Variants in ASPA observed in about 807,000 individuals in gnomAD.
ASPA encodes the protein aspartoacylase, also known as ACY-2.
In ASPA, 25 loss-of-function variants were observed where a neutral mutation model predicts 29.6. That is an observed-to-expected ratio of 0.85 (90% CI 0.62 to 1.18). ASPA has a LOEUF of 1.18. Among genes scored for constraint, ASPA ranks in the 50% most tolerant of loss-of-function variants. ASPA has a pLI of 0.00. For synonymous variants in ASPA, 131 were observed against 130.3 expected, an observed-to-expected ratio of 1.01 and a Z score of -0.04; for missense variants, 333 against 385.7, an observed-to-expected ratio of 0.86 and a Z score of 1.14.
chr17:3,483,405 G>A, intron 2 of ASPA, 94 bp from the exon 3 acceptor site: 3 of 1,054,478 alleles, frequency 2.8e-6, no homozygotes, highest in Non-Finnish European at 4.5e-6. Flanking sequence ...AGTTGATGAA[G>A]TAAAACGTAT....
chr17:3,498,105 C>A (rs569895936), intron 5 of ASPA, among the ~76,000 whole-genome samples: 1 of 152,138 alleles, frequency 6.6e-6, no homozygotes, highest in African/African-American at 2.4e-5. Context: ...CACCAATCCC[C>A]GTCAGAATAG....
In ASPA at chr17:3,501,105, C is replaced by T. The variant is rs1225914167; in HGVS notation, c.*2017C>T. The T allele has an allele frequency of 6.6e-6, 1 of 151,946 alleles. No homozygotes were observed. The highest frequency in any genetic ancestry group is 1.5e-5 in the Non-Finnish European group (1 of 68,022). 9.4% of individuals were successfully genotyped at this position (151,946 alleles called of 1,614,324 possible). On this transcript the variant is annotated 3_prime_UTR_variant, in exon 6 of 6. Transcript: ENST00000263080. ...CCCATGGATCAAGGCGTCATTGTGA[C>T]TTTCAAATCTAACTATTTAAGAAAT... is the stretch of plus-strand genomic sequence containing the variant.
intron 5 of ASPA, among the ~76,000 whole-genome samples, chr17:3,495,597 C>A (rs2073895627): frequency 6.6e-6 from 1 of 152,134 alleles, no homozygotes; most frequent in Non-Finnish European, 1.5e-5. Context: ...GAGATGGAGT[C>A]TCGCTCTGTC....
intron 5 of ASPA, among the ~76,000 whole-genome samples, chr17:3,496,184 C>T (rs2073905241): frequency 6.6e-6 from 1 of 152,036 alleles, no homozygotes; most frequent in Non-Finnish European, 1.5e-5. Context: ...GTTAATTCTG[C>T]CAACAAATAT....
At chr17:3,498,160 C>T (rs1173362476) in intron 5 of ASPA, among the ~76,000 whole-genome samples, 1 of 152,124 alleles carries the variant, frequency 6.6e-6, no homozygotes, top group African/African-American at 2.4e-5. Context: ...TTTATATTTC[C>T]CAACGGTAGA....
Position 3,497,774 on chromosome 17 carries a change from T to G in ASPA, c.745-1117T>G, listed in dbSNP as rs770181991. 5.3e-4 allele frequency among the ~76,000 whole-genome samples: 81 copies of G among 152,228 alleles called. 1 individual carries two copies. Among genetic ancestry groups the G allele is most frequent in the Non-Finnish European group, 1.0e-3 (70 of 68,046 alleles). On this transcript the variant is annotated intron_variant, in intron 5 of 5. Transcript: ENST00000263080. Reference sequence around the variant, plus strand: ...AGGTCTGCTGCGCATAATGAAATCCTGCTTTTCTAACAGGCTCCTGGGTGA... The same window carrying G: ...AGGTCTGCTGCGCATAATGAAATCCGGCTTTTCTAACAGGCTCCTGGGTGA...
In ASPA at chr17:3,485,076, T is replaced by C. The variant is rs1029647240; in HGVS notation, c.526+1484T>C. ...ACTCTGTTGCCCAGGCTGAGTGTAG[T>C]GGCACGATCACAGTTCACTGCAGCC... On this transcript the variant is annotated intron_variant, in intron 3 of 5. Transcript: ENST00000263080. This position sits in a 1 kb window ranked among gnomAD's most constrained non-coding sequence, Gnocchi z 4.4. 4.6e-5 allele frequency among the ~76,000 whole-genome samples: 7 copies of C among 152,142 alleles called. No individual in the cohort carries two copies. Among genetic ancestry groups the C allele is most frequent in the African/African-American group, 1.4e-4 (6 of 41,424 alleles).
chr17:3,498,906 C>A lies in ASPA; in HGVS notation c.760C>A (p.Pro254Thr). The A allele has an allele frequency of 6.3e-7, 1 of 1,598,036 alleles. No individual in the cohort carries two copies. Among genetic ancestry groups the A allele is most frequent in the African/African-American group, 1.3e-5 (1 of 74,244 alleles). ...HPNLQDQDWK[P>T]LHPGDPMFLT... ...TTCCTGAGAGGATCAAGACTGGAAA[C>A]CACTGCATCCTGGGGATCCCATGTT... is the stretch of plus-strand genomic sequence containing the variant. The change falls in exon 6 of 6, where the codon CCA becomes ACA. Residue 254 changes from proline (P) to threonine (T), a missense_variant. Transcript: ENST00000263080.
At position 3,485,208 on chromosome 17, in the gene ASPA, G is replaced by C. The variant is rs2073698473; in HGVS notation, c.526+1616G>C. On this transcript the variant is annotated intron_variant, in intron 3 of 5. Coordinates refer to ENST00000263080, the MANE Select transcript of ASPA (RefSeq NM_000049.4). This position sits in a 1 kb window ranked among gnomAD's most constrained non-coding sequence, Gnocchi z 4.4. The stretch of plus-strand genomic sequence containing the variant: ...TAATTTTTTATTTTTTGTAGAGACA[G>C]GATCTCAGTATGATCAGGTCTCAAA... 6.6e-6 allele frequency among the ~76,000 whole-genome samples: 1 copy of C among 152,006 alleles called. No homozygotes were observed. Among genetic ancestry groups the C allele is most frequent in the Non-Finnish European group, 1.5e-5 (1 of 68,006 alleles).
chr17:3,475,311 A>G (rs559269964), upstream of ASPA: 1 of 152,382 alleles, frequency 6.6e-6, no homozygotes, highest in East Asian at 1.9e-4. Context: ...GGCTGTGTCT[A>G]TGTAAGTTCA....
intron 5 of ASPA, among the ~76,000 whole-genome samples, chr17:3,498,404 T>G (rs1400835224): frequency 6.6e-6 from 1 of 152,164 alleles, no homozygotes; most frequent in East Asian, 1.9e-4. Context: ...TGGAGTGCAG[T>G]GGTGTGAACA....
chr17:3,480,675 G>C (rs2150745840), intron 1 of ASPA, among the ~76,000 whole-genome samples: 1 of 152,320 alleles, frequency 6.6e-6, no homozygotes, highest in Non-Finnish European at 1.5e-5. Context: ...TCATCTTGTG[G>C]CTAATTTGTT....
intron 3 of ASPA, among the ~76,000 whole-genome samples, chr17:3,484,679 C>T (rs1285565836): frequency 1.3e-5 from 2 of 152,228 alleles, no homozygotes; most frequent in African/African-American, 4.8e-5. Context: ...AAAACGATCA[C>T]ATACTTGAAT....
At position 3,490,901 on chromosome 17, in the gene ASPA, G is replaced by A. The variant is rs1378335399; in HGVS notation, c.634+1559G>A. The stretch of plus-strand genomic sequence containing the variant: ...TCTGCTTCAACCAGAGCTCTTCTGT[G>A]TAACATTTCATTTAAGCAAAGGATT... On this transcript the variant is annotated intron_variant, in intron 4 of 5. Transcript: ENST00000263080. This position sits in a 1 kb window ranked among gnomAD's most constrained non-coding sequence, Gnocchi z 4.6. 6.6e-6 allele frequency among the ~76,000 whole-genome samples: 1 copy of A among 152,096 alleles called. No individual in the cohort carries two copies. The highest frequency in any genetic ancestry group is 1.5e-5 in the Non-Finnish European group (1 of 68,014).
chr17:3,487,229 T>C (rs928852890), intron 3 of ASPA, among the ~76,000 whole-genome samples: 3 of 152,174 alleles, frequency 2.0e-5, no homozygotes, highest in Non-Finnish European at 2.9e-5. Flanking sequence ...AAAATTTGTA[T>C]GCAGCAATAT....
At chr17:3,495,546 GTTTGTTTTTGTT>G (rs149605858) in intron 5 of ASPA, among the ~76,000 whole-genome samples, 126,427 of 151,058 alleles carry the variant, frequency 0.84, 53,934 homozygotes, top group Non-Finnish European at 0.9. Flanking sequence ...CTTAGGCAGT[GTTTGTTTTTGTT>G]TTTGTTTTTG....
intron 4 of ASPA, among the ~76,000 whole-genome samples, chr17:3,493,236 C>T (rs993707474): frequency 1.3e-5 from 2 of 152,162 alleles, no homozygotes; most frequent in Non-Finnish European, 1.5e-5. Context: ...GATCTCATTA[C>T]TCAGGAGCTG....
chr17:3,482,585 T>C (rs1033713891), intron 2 of ASPA, among the ~76,000 whole-genome samples: 12 of 152,168 alleles, frequency 7.9e-5, no homozygotes, highest in African/African-American at 2.7e-4. Context: ...CTTCATTTTA[T>C]AAAATTGGTG....
chr17:3,477,184 G>A (rs540916886), intron 1 of ASPA, among the ~76,000 whole-genome samples: 802 of 152,050 alleles, frequency 5.3e-3, no homozygotes, highest in Non-Finnish European at 9.1e-3. Context: ...TAAAAATAAA[G>A]ACATCAGACC....
Sources: gnomAD v4.1 joint callset for allele counts (sites outside exome capture counted in the v4.1 genomes callset) on GRCh38, gnomAD v4.1.1 for gene constraint, Gnocchi (gnomAD v3.1) non-coding constraint, MANE v1.5 for transcripts, NCBI Gene and HGNC (gene_info 2026-07-23, HGNC 2026-07-21) for gene names.